TNFRSF14: variants seen among roughly 807,000 people sequenced by gnomAD.
TNFRSF14 encodes the protein TNF receptor superfamily member 14.
Under a neutral mutation model 34.1 loss-of-function variants are expected in TNFRSF14, and 18 were observed. The ratio of observed to expected loss-of-function variants is 0.53; its 90% CI spans 0.36 to 0.78. The LOEUF (loss-of-function observed/expected upper bound fraction) is 0.78. TNFRSF14 is among the 30% of genes least tolerant of loss of function. The probability of loss-of-function intolerance (pLI) is 0.00; values close to 1 mark genes in which losing one functional copy is unlikely to be tolerated. For missense variants in TNFRSF14, 352 were observed against 379.5 expected (o/e 0.93, Z 0.60); for synonymous variants, 157 against 153.2 (o/e 1.02, Z -0.18).
rs780319349 is a variant in TNFRSF14 at position 2,563,219 on chromosome 1, G to A, written c.798G>A (p.Thr266=). The change falls in exon 8 of 8, where the codon ACG becomes ACA. Residue 266 remains threonine (T), a synonymous_variant. Transcript: ENST00000355716. ...TGCAGGCCCCTCCGGACGTCACCAC[G>A]GTGGCCGTGGAGGAGACAATACCCT... is the stretch of plus-strand genomic sequence containing the variant. ...EALQAPPDVT[T]VAVEETIPSF... 7 of 1,613,480 alleles carry A rather than the reference G, an allele frequency of 4.3e-6. No homozygotes were observed. The highest frequency in any genetic ancestry group is 2.7e-5 in the African/African-American group (2 of 75,050).
At chr1:2,556,840 G>C in intron 1 of TNFRSF14, 107 bp downstream of exon 1, 1 of 1,208,570 alleles carries the variant, frequency 8.3e-7, no homozygotes, top group Non-Finnish European at 1.1e-6. Context: ...TGCTGGCTCC[G>C]GCGTCCAGCC....
rs779181014 is a variant in TNFRSF14, at chr1:2,563,226, G to A, written c.805G>A (p.Val269Met). 6.2e-6 allele frequency: 10 copies of A among 1,613,474 alleles called. No individual in the cohort carries two copies. The highest frequency in any genetic ancestry group is 5.0e-5 in the Admixed American group (3 of 60,028). ...QAPPDVTTVA[V>M]EETIPSFTGR... Reference sequence around the variant, plus strand: ...CCCTCCGGACGTCACCACGGTGGCCGTGGAGGAGACAATACCCTCATTCAC... The same window carrying A: ...CCCTCCGGACGTCACCACGGTGGCCATGGAGGAGACAATACCCTCATTCAC... Residue 269 changes from valine to methionine, a missense_variant, in exon 8 of 8, where the codon GTG (valine) becomes ATG (methionine). Coordinates refer to ENST00000355716, the MANE Select transcript of TNFRSF14 (RefSeq NM_003820.4).
intron 1 of TNFRSF14, 71 bp downstream of exon 1, chr1:2,556,804 C>T: frequency 7.0e-7 from 1 of 1,433,892 alleles, no homozygotes; most frequent in African/African-American, 1.4e-5. Flanking sequence ...CCACAGATCT[C>T]TTCCCCATGC....
chr1:2,561,699 G>C lies in TNFRSF14; in HGVS notation c.578G>C (p.Gly193Ala). 6.2e-7 allele frequency: 1 copy of C among 1,613,272 alleles called. No individual in the cohort carries two copies. Among genetic ancestry groups the C allele is most frequent in the Non-Finnish European group, 8.5e-7 (1 of 1,179,976 alleles). Residue 193 changes from glycine (G) to alanine (A), a missense_variant, in exon 6 of 8, where the codon GGA becomes GCA. Physicochemically the swap from Gly to Ala is moderately conservative, Grantham distance 60. Transcript: ENST00000355716. The surrounding 1 kb of genome is among the most constrained non-coding windows in gnomAD (Gnocchi z 6.0). ...TGCAGCTGGCTGGTGACGAAGGCCG[G>C]AGCTGGGACCAGCAGCTCCCACTGG... Reference protein sequence around the residue: ...TKCSWLVTKAGAGTSSSHWVW... With the variant: ...TKCSWLVTKAAAGTSSSHWVW...
At chr1:2,560,429 A>T in intron 4 of TNFRSF14, 195 bp from the exon 5 acceptor site, 1 of 582,884 alleles carries the variant, frequency 1.7e-6, no homozygotes, top group East Asian at 2.8e-5. Context: ...CAGCTACTCA[A>T]GGCCGGGACA....
chr1:2,558,951 A>G, intron 3 of TNFRSF14: 1 of 1,365,688 alleles, frequency 7.3e-7, no homozygotes, highest in Non-Finnish European at 9.7e-7. Context: ...GTCCAGGCAG[A>G]CAGAAAGGGG....
chr1:2,557,196 G>A (rs1644228653), intron 1 of TNFRSF14, among the ~76,000 whole-genome samples: 1 of 152,204 alleles, frequency 6.6e-6, no homozygotes, highest in African/African-American at 2.4e-5. Context: ...TGGCACTCCT[G>A]CCTGTCCAGC....
intron 7 of TNFRSF14, 62 bp from the exon 8 acceptor site, chr1:2,563,086 G>C (rs184850422): frequency 1.9e-6 from 3 of 1,603,462 alleles, no homozygotes; most frequent in Non-Finnish European, 1.7e-6. Context: ...AAATGAACCC[G>C]AGAACCTGGA....
intron 3 of TNFRSF14, chr1:2,559,060 G>C (rs781746741): frequency 7.3e-7 from 1 of 1,369,326 alleles, no homozygotes; most frequent in South Asian, 1.2e-5. Context: ...GCTCAGCATG[G>C]CCAGTGCTCC....
At chr1:2,559,674 G>T in intron 3 of TNFRSF14, 149 bp from the exon 4 acceptor site, 2 of 1,535,456 alleles carry the variant, frequency 1.3e-6, no homozygotes, top group Non-Finnish European at 1.7e-6. Flanking sequence ...TCCATGCTGG[G>T]TACCTCTGGG....
chr1:2,561,787 C>G lies in TNFRSF14; in HGVS notation c.666C>G (p.Ile222Met), dbSNP rs1644313207. Residue 222 changes from isoleucine (I) to methionine (M), a missense_variant, in exon 6 of 8, where the codon ATC becomes ATG. Ile to Met is a conservative substitution (Grantham distance 10). Transcript: ENST00000355716. This position sits in a 1 kb window ranked among gnomAD's most constrained non-coding sequence, Gnocchi z 6.0. Reference protein sequence around the residue: ...IVIVCSTVGLIICVKRRKPRG... With the variant: ...IVIVCSTVGLMICVKRRKPRG... ...TTGTTTGCTCCACAGTTGGCCTAAT[C>G]ATATGTGTGAAAAGAAGAAAGCCAA... 5 of 1,613,874 alleles carry G rather than the reference C, an allele frequency of 3.1e-6. No homozygotes were observed. Among genetic ancestry groups the G allele is most frequent in the Non-Finnish European group, 4.2e-6 (5 of 1,179,976 alleles).
upstream of TNFRSF14, chr1:2,556,209 ATGTC>A: frequency 2.3e-6 from 1 of 434,394 alleles, no homozygotes; most frequent in South Asian, 2.0e-5. Flanking sequence ...TTCGGCAAAA[ATGTC>A]AGTCAGCGCC....
intron 3 of TNFRSF14, 87 bp downstream of exon 3, chr1:2,558,555 C>T (rs894614853): frequency 1.4e-5 from 22 of 1,580,970 alleles, no homozygotes; most frequent in Non-Finnish European, 1.9e-5. Flanking sequence ...GGCCACAGTG[C>T]CCCAGGAAGG....
intron 5 of TNFRSF14, chr1:2,560,960 C>T: frequency 2.0e-6 from 1 of 508,586 alleles, no homozygotes. Context: ...GATGGGCCTT[C>T]CCAGAAGCAG....
At chr1:2,556,861 T>G in intron 1 of TNFRSF14, 128 bp downstream of exon 1, 1 of 947,622 alleles carries the variant, frequency 1.1e-6, no homozygotes, top group Non-Finnish European at 1.6e-6. Context: ...CGTCCCCTGC[T>G]GCCTGGGGCT....
At position 2,559,935 on chromosome 1, in the gene TNFRSF14, C is replaced by T. The variant is rs772825115; in HGVS notation, c.417C>T (p.Arg139=). 1.3e-5 allele frequency: 21 copies of T among 1,596,808 alleles called. No individual in the cohort carries two copies. Among genetic ancestry groups the T allele is most frequent in the Admixed American group, 6.8e-5 (4 of 58,406 alleles). ...ACGGGGACCACTGCGCCGCGTGCCG[C>T]GCTTACGCCACCTCCAGCCCGGGCC... ...VQDGDHCAAC[R]AYATSSPGQR... Residue 139 remains arginine (R), a synonymous_variant, in exon 4 of 8, where the codon CGC becomes CGT. Transcript: ENST00000355716.
intron 1 of TNFRSF14, 169 bp downstream of exon 1, chr1:2,556,902 C>T (rs1021795423): frequency 1.7e-5 from 11 of 654,982 alleles, no homozygotes; most frequent in Non-Finnish European, 2.6e-5. Context: ...CAGCACTGGG[C>T]TCACCACAGT....
chr1:2,561,542 G>A lies in TNFRSF14; in HGVS notation c.552-131G>A. Reference sequence around the variant, plus strand: ...ACCTCTGAGGTCTCATCCTGGAGCTGCCACCAGCCCAGCCTCCCTGGGACC... The same window carrying A: ...ACCTCTGAGGTCTCATCCTGGAGCTACCACCAGCCCAGCCTCCCTGGGACC... On this transcript the variant is annotated intron_variant, in intron 5 of 7. Coordinates refer to ENST00000355716, the MANE Select transcript of TNFRSF14 (RefSeq NM_003820.4). The surrounding 1 kb of genome is among the most constrained non-coding windows in gnomAD (Gnocchi z 6.0). 6.4e-7 allele frequency: 1 copy of A among 1,565,574 alleles called. No individual in the cohort carries two copies. The highest frequency in any genetic ancestry group is 8.7e-7 in the Non-Finnish European group (1 of 1,154,948).
intron 1 of TNFRSF14, 121 bp from the exon 2 acceptor site, chr1:2,557,605 C>A: frequency 1.4e-6 from 1 of 715,918 alleles, no homozygotes; most frequent in Non-Finnish European, 2.2e-6. Flanking sequence ...CTTCTGTCCT[C>A]TCTACCAGGC....
Sources: gnomAD v4.1 joint callset for allele counts (sites outside exome capture counted in the v4.1 genomes callset) on GRCh38, gnomAD v4.1.1 for gene constraint, Gnocchi (gnomAD v3.1) non-coding constraint, MANE v1.5 for transcripts, NCBI Gene and HGNC (gene_info 2026-07-23, HGNC 2026-07-21) for gene names.